EPB41: variants seen among roughly 807,000 people sequenced by gnomAD.
EPB41 encodes the protein protein 4.1.
A neutral mutation model predicts 108.0 loss-of-function variants in EPB41; 65 were observed. The ratio of observed to expected loss-of-function variants is 0.60; its 90% confidence interval spans 0.49 to 0.74. The LOEUF is 0.74. Among genes scored for constraint, EPB41 ranks in the 30% least tolerant of loss-of-function variants. EPB41 has a pLI of 0.00. For synonymous variants in EPB41, 336 were observed against 358.9 expected, an observed-to-expected ratio of 0.94 and a Z score of 0.72; for missense variants, 875 against 1,037.0, an observed-to-expected ratio of 0.84 and a Z score of 2.15.
intron 3 of EPB41, among the ~76,000 whole-genome samples, chr1:28,994,871 G>A (rs929514946): frequency 6.7e-6 from 1 of 149,810 alleles, no homozygotes; most frequent in African/African-American, 2.5e-5. Flanking sequence ...TGTTGCCCAG[G>A]TTACTCTTGA....
chr1:28,963,512 G>A (rs2095281159), intron 1 of EPB41, among the ~76,000 whole-genome samples: 1 of 152,144 alleles, frequency 6.6e-6, no homozygotes, highest in South Asian at 2.1e-4. Context: ...TTGGGTTTTG[G>A]CTCTGCCTCT....
intron 8 of EPB41, among the ~76,000 whole-genome samples, chr1:29,032,867 G>T (rs1342904558): frequency 6.6e-6 from 1 of 152,086 alleles, no homozygotes; most frequent in Admixed American, 6.5e-5. Context: ...ATAATTGTGC[G>T]TGTATATTTG....
chr1:29,040,565 T>C (rs1028055872), intron 11 of EPB41, among the ~76,000 whole-genome samples: 1 of 152,078 alleles, frequency 6.6e-6, no homozygotes, highest in African/African-American at 2.4e-5. Context: ...ATGGGTGTGA[T>C]CCACCATGCC....
At chr1:28,938,505 C>G (rs1455433825) in intron 1 of EPB41, among the ~76,000 whole-genome samples, 1 of 150,818 alleles carries the variant, frequency 6.6e-6, no homozygotes, top group Non-Finnish European at 1.5e-5. Flanking sequence ...TTATTTATTG[C>G]AAATATATAG....
At position 29,108,643 on chromosome 1, in the gene EPB41, C is replaced by T. The variant is rs74432736; in HGVS notation, c.2314-693C>T. 9.1e-4 allele frequency among the ~76,000 whole-genome samples: 137 copies of T among 150,286 alleles called. 1 individual carries two copies. The highest frequency in any genetic ancestry group is 2.4e-3 in the African/African-American group (98 of 40,980). On this transcript the variant is annotated intron_variant, in intron 17 of 20. Coordinates refer to ENST00000343067, the MANE Select transcript of EPB41 (RefSeq NM_001376013.1). ...CGGGATCTTGGCTCACTGCAACTTC[C>T]ACCTCCCAGGTTCAAGCATTTCTTC...
rs112113524 is a variant in EPB41, at chr1:28,978,837, C to T, written c.-7-8594C>T. Among the ~76,000 whole-genome samples, 65 of 151,514 alleles carry T rather than the reference C, an allele frequency of 4.3e-4. 2 individuals are homozygous for T. Among genetic ancestry groups the T allele is most frequent in the African/African-American group, 1.5e-3 (62 of 40,932 alleles). ...ACTCAAGGACTTATACCAGTAGCCC[C>T]TCCAGGTCTTGAGGATGAGAGTTAT... On this transcript the variant is annotated intron_variant, in intron 1 of 20. Transcript: ENST00000343067.
intron 1 of EPB41, among the ~76,000 whole-genome samples, chr1:28,921,961 T>TATATATACAC (rs770764638): frequency 1.8e-5 from 2 of 109,922 alleles, no homozygotes; most frequent in African/African-American, 3.5e-5. Flanking sequence ...TATATATATA[T>TATATATACAC]ACACTTTTTT....
chr1:28,910,254 TC>T (rs2092165178), upstream of EPB41, among the ~76,000 whole-genome samples: 1 of 152,222 alleles, frequency 6.6e-6, no homozygotes, highest in Non-Finnish European at 1.5e-5. Flanking sequence ...TTAATCCCCA[TC>T]CCACTGTATG....
intron 1 of EPB41, among the ~76,000 whole-genome samples, chr1:28,916,859 C>G (rs768606183): frequency 1.3e-5 from 2 of 151,644 alleles, no homozygotes; most frequent in African/African-American, 2.4e-5. Context: ...GGCATGATCA[C>G]GGCTCACTGC....
At position 29,118,498 on chromosome 1, in the gene EPB41, C is replaced by T. The variant is rs573235053; in HGVS notation, c.*1686C>T. 59 of 152,392 alleles carry T rather than the reference C, an allele frequency of 3.9e-4. No homozygotes were observed. The highest frequency in any genetic ancestry group is 1.3e-3 in the African/African-American group (54 of 41,576). The allele number at this position is 152,392 out of a possible 1,614,324, so 9.4% of individuals were successfully genotyped here. Reference sequence around the variant, plus strand: ...TCAAGGCTCCTTAGAATCCCAGTTCCAGCTTCCTAAAATAGACAGTGGGTA... The same window carrying T: ...TCAAGGCTCCTTAGAATCCCAGTTCTAGCTTCCTAAAATAGACAGTGGGTA... On this transcript the variant is annotated 3_prime_UTR_variant, in exon 21 of 21. Transcript: ENST00000343067.
chr1:29,015,414 G>A (rs1461326431), intron 5 of EPB41, among the ~76,000 whole-genome samples: 4 of 151,970 alleles, frequency 2.6e-5, no homozygotes, highest in Non-Finnish European at 5.9e-5. Flanking sequence ...AAAATTAGCC[G>A]GGCGTGGTGG....
Position 28,941,879 on chromosome 1 carries a change from A to C in EPB41, c.-8+27111A>C, listed in dbSNP as rs531303772. ...ATTGCACTCCAGCCTGGGCAACAAG[A>C]GTGAAGCTCTGTCTCAAAAAAAAAA... On this transcript the variant is annotated intron_variant, in intron 1 of 20. Transcript: ENST00000343067. 5.3e-5 allele frequency among the ~76,000 whole-genome samples: 7 copies of C among 131,616 alleles called. No homozygotes were observed. The South Asian group carries it at 1.6e-3, about 30-fold the overall frequency. The allele number at this position is 131,616 out of a possible 152,430, so 86.3% of individuals were successfully genotyped here.
chr1:28,979,113 C>T (rs2095673758), intron 1 of EPB41, among the ~76,000 whole-genome samples: 1 of 151,492 alleles, frequency 6.6e-6, no homozygotes, highest in Non-Finnish European at 1.5e-5. Context: ...TTACTTGCAA[C>T]ACAATGAAAT....
chr1:28,953,181 ATC>A (rs767811404), intron 1 of EPB41, among the ~76,000 whole-genome samples: 1 of 151,594 alleles, frequency 6.6e-6, no homozygotes, highest in Non-Finnish European at 1.5e-5. Context: ...GTATACTCTT[ATC>A]TCTCTCTCTC....
rs765531643 is a variant in EPB41 at position 29,115,693 on chromosome 1, T to C, written c.2497-6T>C. The C allele has an allele frequency of 1.2e-6, 2 of 1,613,234 alleles. No individual in the cohort carries two copies. The highest frequency in any genetic ancestry group is 1.3e-5 in the African/African-American group (1 of 74,902). ...GCCTCATTGCCCTTGTTTCTGTCTT[T>C]TGTAGGTCCTTGTACAAGCCATCAA... On this transcript the variant is annotated splice_polypyrimidine_tract_variant and splice_region_variant and intron_variant, in intron 19 of 20. Coordinates refer to ENST00000343067, the MANE Select transcript of EPB41 (RefSeq NM_001376013.1). The surrounding 1 kb of genome is among the most constrained non-coding windows in gnomAD (Gnocchi z 4.4).
intron 1 of EPB41, among the ~76,000 whole-genome samples, chr1:28,944,060 A>C (rs1248348660): frequency 6.6e-6 from 1 of 152,234 alleles, no homozygotes; most frequent in Non-Finnish European, 1.5e-5. Context: ...ATTTGCAACA[A>C]TATGGATGGA....
rs2096602337 is a variant in EPB41, at chr1:29,018,274, C to T, written c.956C>T (p.Pro319Leu). ...CAGGACATAGTTGCAGGACGTCTGC[C>T]CTGTTCCTTTGCAACCTTAGCATTA... Reference protein sequence around the residue: ...LRQDIVAGRLPCSFATLALLG... With the variant: ...LRQDIVAGRLLCSFATLALLG... Residue 319 changes from proline (P) to leucine (L), a missense_variant, in exon 7 of 21, where the codon CCC becomes CTC. By Grantham distance (98) the Pro-to-Leu change is moderately conservative. Around this residue, in one of 3 missense-constraint regions of EPB41, gnomAD observed 353 missense variants for 393.2 expected, o/e 0.90. Transcript: ENST00000343067. This position sits in a 1 kb window ranked among gnomAD's most constrained non-coding sequence, Gnocchi z 4.4. 6.2e-7 allele frequency: 1 copy of T among 1,614,046 alleles called. No individual in the cohort carries two copies. The highest frequency in any genetic ancestry group is 1.3e-5 in the African/African-American group (1 of 75,004).
In EPB41 at chr1:29,035,109, G is replaced by A. The variant is rs1271149186; in HGVS notation, c.1366-717G>A. Among the ~76,000 whole-genome samples, 3 of 151,254 alleles carry A rather than the reference G, an allele frequency of 2.0e-5. No individual in the cohort carries two copies. The East Asian group carries it at 5.8e-4, about 29-fold the overall frequency. Reference sequence around the variant, plus strand: ...TGATTCTCCTACCTCAGCCTCCTGAGTAGCTGGAATTACAGGCGCGTGCCA... The same window carrying A: ...TGATTCTCCTACCTCAGCCTCCTGAATAGCTGGAATTACAGGCGCGTGCCA... On this transcript the variant is annotated intron_variant, in intron 9 of 20. Coordinates refer to ENST00000343067, the MANE Select transcript of EPB41 (RefSeq NM_001376013.1).
chr1:29,098,070 G>C (rs772172898), intron 17 of EPB41, 135 bp downstream of exon 17: 24 of 1,280,376 alleles, frequency 1.9e-5, no homozygotes, highest in Admixed American at 8.0e-5. Context: ...GAGATTACTG[G>C]TCTAAGAAGG....
Sources: gnomAD v4.1 joint callset for allele counts (sites outside exome capture counted in the v4.1 genomes callset) on GRCh38, gnomAD v4.1.1 for gene constraint, gnomAD v4.1.1 regional missense constraint, Gnocchi (gnomAD v3.1) non-coding constraint, MANE v1.5 for transcripts, NCBI Gene and HGNC (gene_info 2026-07-23, HGNC 2026-07-21) for gene names.